Variants in CCDC169 observed in about 807,000 individuals in gnomAD.
The protein encoded by CCDC169 is coiled-coil domain containing 169.
A neutral mutation model predicts 36.0 loss-of-function variants in CCDC169; 30 were observed. The ratio of observed to expected loss-of-function variants is 0.83; its 90% CI spans 0.62 to 1.13. The LOEUF (loss-of-function observed/expected upper bound fraction) is 1.13. Ranked by LOEUF, CCDC169 falls within the 50% of genes most tolerant of loss-of-function variation. CCDC169 has a pLI of 0.00. For synonymous variants in CCDC169, 85 were observed against 81.5 expected (o/e 1.04, Z -0.23); for missense variants, 245 against 245.9 (o/e 1.00, Z 0.03).
chr13:36,283,569 T>G (rs1566087539), intron 3 of CCDC169, 23 bp downstream of exon 3: 2 of 1,551,072 alleles, frequency 1.3e-6, no homozygotes, highest in Non-Finnish European at 1.7e-6. Context: ...AATTATAAAA[T>G]GTACATATGA....
downstream of CCDC169, chr13:36,226,375 G>A (rs1869876801): frequency 6.6e-6 from 1 of 152,178 alleles, no homozygotes; most frequent in Non-Finnish European, 1.5e-5. Flanking sequence ...TGGCATTAGA[G>A]TCTCATAAGG....
chr13:36,254,371 G>T (rs1455747661), intron 4 of CCDC169, among the ~76,000 whole-genome samples: 1 of 150,300 alleles, frequency 6.7e-6, no homozygotes, highest in African/African-American at 2.4e-5. Context: ...CGCCTCCCAG[G>T]TCTATGCGAT....
In CCDC169 at chr13:36,230,776, G is replaced by A. The variant is rs542867949; in HGVS notation, c.*417C>T. 218 of 986,370 alleles carry A rather than the reference G, an allele frequency of 2.2e-4. 1 individual carries two copies. The African/African-American group carries it at 2.8e-3, about 13-fold the overall frequency. 61.1% of individuals were successfully genotyped at this position (986,370 alleles called of 1,614,324 possible). The stretch of plus-strand genomic sequence containing the variant: ...AAAACTTAAAATGGACTTGATTTTC[G>A]GCTTTGTTTAAACCTGCAATTTAAA... On this transcript the variant is annotated 3_prime_UTR_variant, in exon 8 of 8. Coordinates refer to ENST00000239859, the MANE Select transcript of CCDC169 (RefSeq NM_001144981.3).
chr13:36,222,737 A>G (rs972405304), downstream of CCDC169: 1 of 152,244 alleles, frequency 6.6e-6, no homozygotes, highest in Non-Finnish European at 1.5e-5. Flanking sequence ...CTAATATAAA[A>G]TTAGTAGATA....
chr13:36,247,209 A>G (rs1163485796), intron 7 of CCDC169, among the ~76,000 whole-genome samples: 1 of 152,170 alleles, frequency 6.6e-6, no homozygotes, highest in African/African-American at 2.4e-5. Context: ...CTTTCAAAAT[A>G]TTACTACTTT....
downstream of CCDC169, chr13:36,227,033 C>A: frequency 2.3e-6 from 1 of 431,730 alleles, no homozygotes; most frequent in South Asian, 9.5e-5. Context: ...AAGGTGAAGT[C>A]AGCTCGAGGA....
At chr13:36,258,839 T>C (rs930632272) in intron 4 of CCDC169, among the ~76,000 whole-genome samples, 1 of 152,206 alleles carries the variant, frequency 6.6e-6, no homozygotes, top group African/African-American at 2.4e-5. Context: ...GATTTGCCTC[T>C]AATTCTTTTT....
intron 3 of CCDC169, 23 bp downstream of exon 3, chr13:36,283,569 T>C: frequency 6.4e-7 from 1 of 1,551,072 alleles, no homozygotes; most frequent in African/African-American, 1.4e-5. Flanking sequence ...AATTATAAAA[T>C]GTACATATGA....
chr13:36,238,224 C>T (rs1482042147), intron 7 of CCDC169, among the ~76,000 whole-genome samples: 1 of 152,062 alleles, frequency 6.6e-6, no homozygotes, highest in Non-Finnish European at 1.5e-5. Flanking sequence ...TGCATGACCC[C>T]ATGAATATAC....
downstream of CCDC169, chr13:36,225,567 A>G (rs1374954740): frequency 6.6e-6 from 1 of 152,232 alleles, no homozygotes; most frequent in East Asian, 1.9e-4. Context: ...CGCAAAAGCA[A>G]TTGCAACCAA....
chr13:36,289,527 A>G lies in CCDC169; in HGVS notation c.164-5825T>C, dbSNP rs114588375. Among the ~76,000 whole-genome samples the G allele has an allele frequency of 4.1e-3, 626 of 152,336 alleles. 8 individuals carry two copies. Among genetic ancestry groups the G allele is most frequent in the African/African-American group, 0.014 (594 of 41,578 alleles). On this transcript the variant is annotated intron_variant, in intron 2 of 7. Transcript: ENST00000239859. ...CCTGAACACATTCTTCCTATGTCTG[A>G]TTAAATTCAAGAATATTTTTCATCA...
intron 4 of CCDC169, among the ~76,000 whole-genome samples, chr13:36,260,842 G>A (rs1019483220): frequency 2.0e-5 from 3 of 152,074 alleles, no homozygotes; most frequent in African/African-American, 4.8e-5. Flanking sequence ...CTTTTCATAA[G>A]AGCCTCCTAC....
chr13:36,288,521 G>T (rs1827783868), intron 2 of CCDC169, among the ~76,000 whole-genome samples: 1 of 151,894 alleles, frequency 6.6e-6, no homozygotes, highest in South Asian at 2.1e-4. Context: ...TTGATTTCTG[G>T]GACATTTCCA....
intron 2 of CCDC169, among the ~76,000 whole-genome samples, chr13:36,284,959 G>A (rs575150219): frequency 6.6e-6 from 1 of 152,212 alleles, no homozygotes; most frequent in East Asian, 1.9e-4. Flanking sequence ...AAAAGCTTTG[G>A]AAAGGTACAA....
chr13:36,295,744 C>T (rs1415889085), intron 2 of CCDC169, 34 bp downstream of exon 2: 2 of 1,067,394 alleles, frequency 1.9e-6, no homozygotes, highest in African/African-American at 1.6e-5. Context: ...AATAATTATA[C>T]AGGAGTCACA....
intron 4 of CCDC169, among the ~76,000 whole-genome samples, chr13:36,260,614 A>C (rs567084141): frequency 1.2e-4 from 19 of 152,296 alleles, no homozygotes; most frequent in Non-Finnish European, 2.4e-4. Flanking sequence ...TTATGTAAAA[A>C]ACTCCAGCTA....
In CCDC169 at chr13:36,297,651, T is replaced by C. The variant is rs1201697705; in HGVS notation, c.69A>G (p.Glu23=). The C allele has an allele frequency of 2.6e-6, 4 of 1,550,896 alleles. No individual in the cohort carries two copies. The highest frequency in any genetic ancestry group is 3.5e-6 in the Non-Finnish European group (4 of 1,147,008). The change falls in exon 1 of 8, where the codon GAA becomes GAG. Residue 23 remains glutamate (E), a synonymous_variant. Transcript: ENST00000239859. ...CGCCGACTCACTTCTTGCGGACTTC[T>C]TCCAGCAACTGCTGTTTCAGGCGGT... ...STNRLKQQLL[E]EVRKKDAVQL... is the part of the protein sequence containing the mutation.
intron 4 of CCDC169, among the ~76,000 whole-genome samples, chr13:36,276,308 CG>C (rs1186947300): frequency 2.5e-4 from 38 of 151,908 alleles, no homozygotes; most frequent in African/African-American, 5.1e-4. Flanking sequence ...AAATGATTTC[CG>C]TAAGTTTTGG....
At chr13:36,250,124 T>A (rs1473547370) in intron 6 of CCDC169, among the ~76,000 whole-genome samples, 1 of 152,176 alleles carries the variant, frequency 6.6e-6, no homozygotes, top group East Asian at 1.9e-4. Flanking sequence ...TTTGCAAGCA[T>A]ACAGGAGATG....
Sources: allele counts gnomAD v4.1 joint callset (sites outside exome capture counted in the v4.1 genomes callset), GRCh38; gene constraint gnomAD v4.1.1; transcripts MANE v1.5; gene names NCBI Gene and HGNC (gene_info 2026-07-23, HGNC 2026-07-21).